The following HSD17B4 variants were observed in gnomAD, a reference collection of about 807,000 sequenced individuals.
HSD17B4 encodes the protein peroxisomal multifunctional enzyme type 2.
HSD17B4 carries 70 observed loss-of-function variants against 101.0 expected under a neutral mutation model. The ratio of observed to expected loss-of-function variants is 0.69; its 90% confidence interval spans 0.57 to 0.85. The LOEUF (loss-of-function observed/expected upper bound fraction) is 0.85. HSD17B4 is among the 40% of genes least tolerant of loss of function. HSD17B4 has a pLI of 0.00. For synonymous variants in HSD17B4, 347 were observed against 297.1 expected, an observed-to-expected ratio of 1.17 and a Z score of -1.73; for missense variants, 984 against 892.4, an observed-to-expected ratio of 1.10 and a Z score of -1.31.
intron 2 of HSD17B4, among the ~76,000 whole-genome samples, 154 bp from the exon 3 acceptor site, chr5:119,473,754 T>C (rs374573160): frequency 6.6e-6 from 1 of 152,306 alleles, no homozygotes; most frequent in African/African-American, 2.4e-5. Flanking sequence ...AAAATGGCTG[T>C]GTTGTGTTTA....
At chr5:119,517,349 G>C (rs1752716034) in intron 17 of HSD17B4, among the ~76,000 whole-genome samples, 1 of 152,236 alleles carries the variant, frequency 6.6e-6, no homozygotes, top group African/African-American at 2.4e-5. Context: ...CCGCAGGGCA[G>C]GGCTCGGGAC....
At chr5:119,477,885 G>T in intron 7 of HSD17B4, 1 of 201,440 alleles carries the variant, frequency 5.0e-6, no homozygotes, top group East Asian at 1.2e-4. Context: ...CCAAGTAGCT[G>T]GGACTGCAGG....
chr5:119,477,297 C>A, intron 6 of HSD17B4, 120 bp from the exon 7 acceptor site: 1 of 720,372 alleles, frequency 1.4e-6, no homozygotes, highest in Non-Finnish European at 2.4e-6. Context: ...TGACAGTAGG[C>A]AATTTTATAC....
chr5:119,527,060 T>C, intron 19 of HSD17B4, 73 bp from the exon 20 acceptor site: 1 of 867,732 alleles, frequency 1.2e-6, no homozygotes. Context: ...TAGTTTCCTT[T>C]CCAATTTTTT....
At chr5:119,528,707 A>G (rs1753809906) in intron 20 of HSD17B4, among the ~76,000 whole-genome samples, 1 of 152,168 alleles carries the variant, frequency 6.6e-6, no homozygotes, top group Non-Finnish European at 1.5e-5. Context: ...AATAGTATGT[A>G]AATAATTTCT....
rs564835310 is a variant in HSD17B4, at chr5:119,489,536, A to T, written c.714+253A>T. Among the ~76,000 whole-genome samples the T allele has an allele frequency of 3.9e-5, 6 of 152,214 alleles. No homozygotes were observed. The South Asian group carries it at 1.2e-3, about 32-fold the overall frequency. On this transcript the variant is annotated intron_variant, in intron 9 of 23. Transcript: ENST00000510025. Reference sequence around the variant, plus strand: ...TGATCTGTTCGGTCAAAATGTGGGGAATTTCATTATTTAAGAAGCTGAATG... The same window carrying T: ...TGATCTGTTCGGTCAAAATGTGGGGTATTTCATTATTTAAGAAGCTGAATG...
intron 17 of HSD17B4, among the ~76,000 whole-genome samples, chr5:119,521,155 A>G (rs574971725): frequency 2.6e-5 from 4 of 152,316 alleles, no homozygotes; most frequent in African/African-American, 7.2e-5. Context: ...TACCCTAGAT[A>G]CTTGAAGGGA....
intron 10 of HSD17B4, chr5:119,493,055 A>T (rs1353847052): frequency 6.6e-6 from 1 of 152,190 alleles, no homozygotes; most frequent in Non-Finnish European, 1.5e-5. Context: ...TAAAAAAGGA[A>T]CATAAGGTTT....
chr5:119,515,957 C>T (rs535019711), intron 17 of HSD17B4, among the ~76,000 whole-genome samples: 3 of 152,192 alleles, frequency 2.0e-5, no homozygotes, highest in African/African-American at 7.2e-5. Flanking sequence ...ACAACAAACC[C>T]CCATGACACA....
intron 4 of HSD17B4, among the ~76,000 whole-genome samples, chr5:119,474,873 TATA>T (rs1748424961): frequency 6.6e-6 from 1 of 152,164 alleles, no homozygotes; most frequent in Admixed American, 6.5e-5. Flanking sequence ...ATGATTTCTC[TATA>T]ATAAAAATCT....
intron 8 of HSD17B4, among the ~76,000 whole-genome samples, chr5:119,483,211 A>T (rs1457017354): frequency 6.6e-6 from 1 of 152,152 alleles, no homozygotes; most frequent in Non-Finnish European, 1.5e-5. Flanking sequence ...ACAAGTCCAC[A>T]TTCAGCCTCT....
intron 2 of HSD17B4, among the ~76,000 whole-genome samples, chr5:119,463,913 CGCCTGCCTTG>C: frequency 6.6e-6 from 1 of 151,964 alleles, no homozygotes. Context: ...TCAAATGATC[CGCCTGCCTTG>C]GCCTCCCAAA....
At chr5:119,475,944 C>T in intron 6 of HSD17B4, 74 bp downstream of exon 6, 1 of 1,143,632 alleles carries the variant, frequency 8.7e-7, no homozygotes, top group South Asian at 1.3e-5. Flanking sequence ...TAAATTTATA[C>T]ATTTAAGGAA....
chr5:119,540,761 G>C (rs550155953), intron 23 of HSD17B4, among the ~76,000 whole-genome samples: 1 of 152,148 alleles, frequency 6.6e-6, no homozygotes, highest in East Asian at 1.9e-4. Context: ...AGTGCTGCTC[G>C]TTAACAAGTA....
intron 13 of HSD17B4, among the ~76,000 whole-genome samples, chr5:119,501,678 C>T (rs987788538): frequency 2.6e-5 from 4 of 152,122 alleles, no homozygotes; most frequent in African/African-American, 9.6e-5. Flanking sequence ...TTTGTTCATT[C>T]TTATTCAATG....
At chr5:119,495,596 A>G (rs950639005) in intron 11 of HSD17B4, 1 of 152,356 alleles carries the variant, frequency 6.6e-6, no homozygotes, top group African/African-American at 2.4e-5. Context: ...GAAGATTAAT[A>G]GGCAAGAAAC....
In HSD17B4 at chr5:119,516,815, G is replaced by A. The variant is rs539976065; in HGVS notation, c.1503+1769G>A. On this transcript the variant is annotated intron_variant, in intron 17 of 23. Coordinates refer to ENST00000510025, the MANE Select transcript of HSD17B4 (RefSeq NM_000414.4). ...AAGATATAGATGTCTGAGATAACTA[G>A]GGCACCTATTCCAAGCAATGAATGT... is the stretch of plus-strand genomic sequence containing the variant. Among the ~76,000 whole-genome samples, 6 of 152,348 alleles carry A rather than the reference G, an allele frequency of 3.9e-5. No homozygotes were observed. In the South Asian group the frequency reaches 1.2e-3, roughly 32 times the overall value.
chr5:119,487,029 T>C (rs1749670264), intron 8 of HSD17B4, among the ~76,000 whole-genome samples: 1 of 152,122 alleles, frequency 6.6e-6, no homozygotes. Context: ...AGGATCTGTC[T>C]TTGCTACTGC....
At chr5:119,454,308 T>A (rs982276281) in intron 1 of HSD17B4, among the ~76,000 whole-genome samples, 2 of 77,252 alleles carry the variant, frequency 2.6e-5, no homozygotes, top group African/African-American at 1.3e-4. Flanking sequence ...GTTGATTAAA[T>A]TTTTTTTTTT....
Sources: allele counts gnomAD v4.1 joint callset (sites outside exome capture counted in the v4.1 genomes callset), GRCh38; gene constraint gnomAD v4.1.1; transcripts MANE v1.5; gene names NCBI Gene and HGNC (gene_info 2026-07-23, HGNC 2026-07-21).